SCN7A: variants seen among roughly 807,000 people sequenced by gnomAD.
SCN7A encodes the protein sodium voltage-gated channel alpha subunit 7.
A neutral mutation model predicts 155.2 loss-of-function variants in SCN7A; 138 were observed. The ratio of observed to expected loss-of-function variants is 0.89; its 90% CI spans 0.77 to 1.02. The LOEUF is 1.02. SCN7A is among the 50% of genes least tolerant of loss of function. SCN7A has a pLI of 0.00. For missense variants in SCN7A, 2,058 were observed against 1,986.6 expected (o/e 1.04, Z -0.68); for synonymous variants, 693 against 649.0 (o/e 1.07, Z -1.03).
intron 2 of SCN7A, 33 bp from the exon 3 acceptor site, chr2:166,477,743 C>A: frequency 7.5e-7 from 1 of 1,333,534 alleles, no homozygotes; most frequent in Non-Finnish European, 1.0e-6. Context: ...GTTGGGTATA[C>A]TAATAAAACA....
Position 166,457,072 on chromosome 2 carries a change from A to C in SCN7A, c.1088T>G (p.Leu363Arg). 6.2e-7 allele frequency: 1 copy of C among 1,600,624 alleles called. No individual in the cohort carries two copies. Among genetic ancestry groups the C allele is most frequent in the Non-Finnish European group, 8.5e-7 (1 of 1,172,708 alleles). Residue 363 changes from leucine to arginine, a missense_variant, in exon 11 of 26, where the codon CTT (leucine) becomes CGT (arginine). By Grantham distance (102) the Leu-to-Arg change is moderately radical. Coordinates refer to ENST00000643258, the MANE Select transcript of SCN7A (RefSeq NM_002976.4). ...DYPEVLYHQI[L>R]YASGKVYMIF... is the part of the protein sequence containing the mutation. ...CATGTAGACCTTCCCAGAAGCATAA[A>C]GTATCTAAGGAAAGGTAGAAAGTAA... is the stretch of plus-strand genomic sequence containing the variant.
intron 9 of SCN7A, among the ~76,000 whole-genome samples, chr2:166,462,750 C>T (rs1702442693): frequency 6.6e-6 from 1 of 152,002 alleles, no homozygotes; most frequent in Admixed American, 6.6e-5. Flanking sequence ...TAAAAAGGGG[C>T]CTGAAAAGTG....
chr2:166,420,898 A>G (rs1333202365), intron 20 of SCN7A, among the ~76,000 whole-genome samples: 1 of 151,964 alleles, frequency 6.6e-6, no homozygotes, highest in Non-Finnish European at 1.5e-5. Flanking sequence ...CAATTTTGGT[A>G]ATATGCATAT....
At chr2:166,482,843 A>G (rs1036027388) in intron 2 of SCN7A, among the ~76,000 whole-genome samples, 2 of 152,038 alleles carry the variant, frequency 1.3e-5, no homozygotes, top group Non-Finnish European at 2.9e-5. Flanking sequence ...AGACTGTTAA[A>G]TTATTAATCA....
At chr2:166,466,070 T>C in intron 7 of SCN7A, 83 bp from the exon 8 acceptor site, 1 of 877,402 alleles carries the variant, frequency 1.1e-6, no homozygotes, top group Non-Finnish European at 1.8e-6. Context: ...AGCAACTGCA[T>C]ACTCCATTGA....
intron 3 of SCN7A, 44 bp downstream of exon 3, chr2:166,477,419 A>C: frequency 8.4e-7 from 1 of 1,186,116 alleles, no homozygotes; most frequent in Middle Eastern, 2.6e-4. Flanking sequence ...GTCTGGAAAT[A>C]AAATAATAAA....
At chr2:166,475,481 G>A (rs944667529) in intron 3 of SCN7A, among the ~76,000 whole-genome samples, 4 of 151,300 alleles carry the variant, frequency 2.6e-5, no homozygotes, top group Non-Finnish European at 5.9e-5. Context: ...ACCAAATTGT[G>A]ATATAATTCT....
chr2:166,419,444 A>C (rs1311371034), intron 20 of SCN7A, among the ~76,000 whole-genome samples: 2 of 148,876 alleles, frequency 1.3e-5, no homozygotes, highest in Non-Finnish European at 3.0e-5. Flanking sequence ...TGCAGCCTCG[A>C]CCTCCCAGCC....
rs552954425 is a variant in SCN7A at position 166,456,024 on chromosome 2, G to C, written c.1290+846C>G. Among the ~76,000 whole-genome samples, 3 of 152,236 alleles carry C rather than the reference G, an allele frequency of 2.0e-5. No homozygotes were observed. In the South Asian group the frequency reaches 6.2e-4, roughly 32 times the overall value. ...CTATGCAACCATGAAATACTATGCA[G>C]CCATGAAAAAGAATGAGTTCACATC... On this transcript the variant is annotated intron_variant, in intron 11 of 25. Transcript: ENST00000643258.
intron 1 of SCN7A, among the ~76,000 whole-genome samples, chr2:166,487,335 C>A (rs1703075782): frequency 6.6e-6 from 1 of 152,178 alleles, no homozygotes; most frequent in African/African-American, 2.4e-5. Flanking sequence ...ACAGCAACTG[C>A]AGCTGCATTT....
intron 1 of SCN7A, among the ~76,000 whole-genome samples, chr2:166,491,489 T>C (rs562917627): frequency 6.6e-6 from 1 of 152,276 alleles, no homozygotes; most frequent in Admixed American, 6.5e-5. Context: ...AACAAATGAA[T>C]GTAAAATAAT....
intron 11 of SCN7A, 55 bp downstream of exon 11, chr2:166,456,815 T>C (rs200546086): frequency 1.5e-5 from 7 of 453,394 alleles, no homozygotes; most frequent in Middle Eastern, 6.6e-4. Context: ...TATATATATA[T>C]ATATATATAT....
At chr2:166,469,154 A>T (rs1361247265) in intron 7 of SCN7A, among the ~76,000 whole-genome samples, 1 of 151,498 alleles carries the variant, frequency 6.6e-6, no homozygotes, top group Non-Finnish European at 1.5e-5. Context: ...TTTATGCATA[A>T]GATGGAATTT....
At chr2:166,442,772 T>G (rs980578301) in intron 14 of SCN7A, among the ~76,000 whole-genome samples, 8 of 152,210 alleles carry the variant, frequency 5.3e-5, no homozygotes, top group African/African-American at 1.9e-4. Context: ...TTTCTGCAAT[T>G]GCCAGTGTTG....
intron 21 of SCN7A, chr2:166,414,601 T>C (rs1315326883): frequency 7.0e-6 from 1 of 143,352 alleles, no homozygotes; most frequent in Non-Finnish European, 1.5e-5. Flanking sequence ...ACCATTTGGG[T>C]ACATGGGCAT....
chr2:166,427,135 G>A (rs1701640793), intron 18 of SCN7A, among the ~76,000 whole-genome samples: 1 of 151,976 alleles, frequency 6.6e-6, no homozygotes, highest in East Asian at 1.9e-4. Flanking sequence ...TATGCACATA[G>A]CTTCTGAATT....
At chr2:166,410,525 T>C (rs2105363937) in intron 23 of SCN7A, among the ~76,000 whole-genome samples, 1 of 152,144 alleles carries the variant, frequency 6.6e-6, no homozygotes, top group South Asian at 2.1e-4. Flanking sequence ...TACATGCTGA[T>C]AGTGACAGAA....
chr2:166,414,282 A>G (rs1401263834), intron 21 of SCN7A, among the ~76,000 whole-genome samples: 25 of 30,500 alleles, frequency 8.2e-4, no homozygotes, highest in African/African-American at 3.4e-3. Flanking sequence ...ATATATATAT[A>G]TATACACACA....
chr2:166,431,662 G>A (rs7597971), intron 16 of SCN7A, among the ~76,000 whole-genome samples: 106,557 of 151,844 alleles, frequency 0.7, 37,579 homozygotes, highest in African/African-American at 0.77. Flanking sequence ...TAAGTGAACA[G>A]CAGTATCTAC....
Sources: allele counts gnomAD v4.1 joint callset (sites outside exome capture counted in the v4.1 genomes callset), GRCh38; gene constraint gnomAD v4.1.1; transcripts MANE v1.5; gene names NCBI Gene and HGNC (gene_info 2026-07-23, HGNC 2026-07-21).